The following ENOX1 variants were observed in gnomAD, a reference collection of about 807,000 sequenced individuals.
ENOX1 encodes the protein ecto-NOX disulfide-thiol exchanger 1.
A neutral mutation model predicts 82.5 loss-of-function variants in ENOX1; 42 were observed. That is an observed-to-expected ratio of 0.51 (90% CI 0.40 to 0.66). The LOEUF (loss-of-function observed/expected upper bound fraction) is 0.66, where lower values mean the gene tolerates loss of function less well. Ranked by LOEUF, ENOX1 falls within the 30% of genes least tolerant of loss-of-function variation. ENOX1 has a pLI of 0.00. For missense variants in ENOX1, 608 were observed against 811.6 expected (o/e 0.75, Z 3.05); for synonymous variants, 271 against 282.2 (o/e 0.96, Z 0.40).
intron 1 of ENOX1, among the ~76,000 whole-genome samples, chr13:43,699,955 C>T (rs1341047793): frequency 1.3e-5 from 2 of 152,158 alleles, no homozygotes; most frequent in African/African-American, 2.4e-5. Context: ...TTTATGTTGG[C>T]AACATTCCAA....
intron 1 of ENOX1, among the ~76,000 whole-genome samples, chr13:43,711,080 C>A (rs1186177698): frequency 8.4e-6 from 1 of 118,992 alleles, no homozygotes; most frequent in African/African-American, 3.2e-5. Context: ...TCCCCCCACC[C>A]CACAACAGTC....
chr13:43,459,846 T>C (rs1032329213), intron 3 of ENOX1, among the ~76,000 whole-genome samples: 8 of 151,976 alleles, frequency 5.3e-5, no homozygotes, highest in African/African-American at 1.9e-4. Context: ...ACAAAAAAAT[T>C]AGCTGGGTGT....
chr13:43,427,413 A>T (rs1001987678), intron 3 of ENOX1, among the ~76,000 whole-genome samples: 1 of 152,216 alleles, frequency 6.6e-6, no homozygotes, highest in African/African-American at 2.4e-5. Flanking sequence ...CAAGGTCAGA[A>T]AGCCAATGAA....
chr13:43,639,757 C>T lies in ENOX1; in HGVS notation c.-219+27722G>A, dbSNP rs193055182. Among the ~76,000 whole-genome samples, 76 of 152,292 alleles carry T rather than the reference C, an allele frequency of 5.0e-4. No individual in the cohort carries two copies. In the East Asian group the frequency reaches 0.014, roughly 29 times the overall value. On this transcript the variant is annotated intron_variant, in intron 2 of 16. Transcript: ENST00000690772. Reference sequence around the variant, plus strand: ...AATAAATAAAAATCTTGGCCGGGCACAGTGGCTCATGCCTGTAATCCAGCA... The same window carrying T: ...AATAAATAAAAATCTTGGCCGGGCATAGTGGCTCATGCCTGTAATCCAGCA...
chr13:43,583,552 C>A (rs949202032), intron 2 of ENOX1, among the ~76,000 whole-genome samples: 3 of 152,158 alleles, frequency 2.0e-5, no homozygotes, highest in African/African-American at 7.2e-5. Flanking sequence ...GTTTGGAATG[C>A]CATCTGTCTA....
intron 2 of ENOX1, among the ~76,000 whole-genome samples, chr13:43,580,137 C>T (rs2080644018): frequency 6.6e-6 from 1 of 152,224 alleles, no homozygotes; most frequent in Admixed American, 6.5e-5. Flanking sequence ...ATCATCAGAA[C>T]ATTATCTGGG....
At chr13:43,230,156 A>G (rs1231271373) in intron 15 of ENOX1, among the ~76,000 whole-genome samples, 1 of 152,216 alleles carries the variant, frequency 6.6e-6, no homozygotes, top group Admixed American at 6.5e-5. Context: ...GTGTGGCATC[A>G]TGATGGCGGA....
intron 2 of ENOX1, among the ~76,000 whole-genome samples, chr13:43,606,427 A>G (rs1169403716): frequency 6.6e-6 from 1 of 152,030 alleles, no homozygotes; most frequent in Non-Finnish European, 1.5e-5. Context: ...ATGGATAAAG[A>G]AAATGGGGTA....
chr13:43,387,107 C>T (rs1479221121), intron 5 of ENOX1, among the ~76,000 whole-genome samples: 6 of 152,112 alleles, frequency 3.9e-5, no homozygotes, highest in South Asian at 2.1e-4. Context: ...GAACTGGAGA[C>T]GCAACTTTGA....
At chr13:43,216,852 A>G (rs1477995680) in intron 16 of ENOX1, among the ~76,000 whole-genome samples, 1 of 152,218 alleles carries the variant, frequency 6.6e-6, no homozygotes, top group Non-Finnish European at 1.5e-5. Context: ...GTAGGAGGCC[A>G]GCTGGGGTCA....
At chr13:43,574,795 T>G (rs9525804) in intron 2 of ENOX1, among the ~76,000 whole-genome samples, 19,422 of 152,222 alleles carry the variant, frequency 0.13, 1,789 homozygotes, top group East Asian at 0.48. Flanking sequence ...ACACTTTCCC[T>G]CTAGACTCTC....
intron 11 of ENOX1, among the ~76,000 whole-genome samples, chr13:43,300,694 T>C (rs1242661351): frequency 6.6e-6 from 1 of 152,118 alleles, no homozygotes; most frequent in Non-Finnish European, 1.5e-5. Flanking sequence ...GAGTGGCCAA[T>C]TGAGAACCAC....
At chr13:43,445,066 G>T (rs1348032673) in intron 3 of ENOX1, among the ~76,000 whole-genome samples, 1 of 151,708 alleles carries the variant, frequency 6.6e-6, no homozygotes, top group Non-Finnish European at 1.5e-5. Context: ...TTCTGCTCCA[G>T]TGCTTTCTGA....
rs1316629386 is a variant in ENOX1, at chr13:43,528,844, A to G, written c.-218-44692T>C. On this transcript the variant is annotated intron_variant, in intron 2 of 16. Transcript: ENST00000690772. The stretch of plus-strand genomic sequence containing the variant: ...AGGTAGATTTTTTAATATATAGGTT[A>G]TTTGTCTTTCATCATGCTGGGAAAG... Among the ~76,000 whole-genome samples the G allele has an allele frequency of 2.0e-5, 3 of 151,976 alleles. No individual in the cohort carries two copies. The East Asian group carries it at 5.8e-4, about 29-fold the overall frequency.
chr13:43,521,698 C>T (rs2077776306), intron 2 of ENOX1, among the ~76,000 whole-genome samples: 1 of 152,074 alleles, frequency 6.6e-6, no homozygotes, highest in Admixed American at 6.6e-5. Context: ...GTGCAAAGAC[C>T]TACTGAAAAT....
rs1297063379 is a variant in ENOX1, at chr13:43,786,058, A to T, written c.-285+594T>A. ...GCTCCCGCCGACGAAGACCTGTCCAAGGTGTCCGAGCTCCCCGCGAGAGGG... is the reference window on the plus strand; with the variant it reads ...GCTCCCGCCGACGAAGACCTGTCCATGGTGTCCGAGCTCCCCGCGAGAGGG... On this transcript the variant is annotated intron_variant, in intron 1 of 16. Transcript: ENST00000690772. This position sits in a 1 kb window ranked among gnomAD's most constrained non-coding sequence, Gnocchi z 6.0. Among the ~76,000 whole-genome samples, 1 of 152,120 alleles carries T rather than the reference A, an allele frequency of 6.6e-6. No individual in the cohort carries two copies. Among genetic ancestry groups the T allele is most frequent in the Non-Finnish European group, 1.5e-5 (1 of 68,008 alleles).
Position 43,322,434 on chromosome 13 carries a change from T to G in ENOX1, c.1211A>C (p.Asp404Ala), listed in dbSNP as rs1240702487. The change falls in exon 11 of 17, where the codon GAT (aspartate) becomes GCT (alanine). Residue 404 changes from aspartate to alanine, a missense_variant. By Grantham distance (126) the Asp-to-Ala change is moderately radical. Coordinates refer to ENST00000690772, the MANE Select transcript of ENOX1 (RefSeq NM_001347969.2). Reference sequence around the variant, plus strand: ...TGTAGGGCTGTCACAGTTCTCATCATCAGACATTTCCATTTCTTCTTCGCG... The same window carrying G: ...TGTAGGGCTGTCACAGTTCTCATCAGCAGACATTTCCATTTCTTCTTCGCG... ...IRREEEMEMS[D>A]DENCDSPTKK... The G allele has an allele frequency of 1.2e-5, 20 of 1,614,068 alleles. No homozygotes were observed. The highest frequency in any genetic ancestry group is 1.7e-5 in the Non-Finnish European group (20 of 1,179,992).
At chr13:43,445,490 A>G (rs1308898925) in intron 3 of ENOX1, among the ~76,000 whole-genome samples, 1 of 152,044 alleles carries the variant, frequency 6.6e-6, no homozygotes, top group East Asian at 1.9e-4. Flanking sequence ...TGTCCCATCT[A>G]GTGTTAAAAC....
intron 16 of ENOX1, among the ~76,000 whole-genome samples, chr13:43,216,112 C>T (rs1021565035): frequency 5.3e-5 from 8 of 152,112 alleles, no homozygotes; most frequent in South Asian, 2.1e-4. Flanking sequence ...GCAGAAGAAT[C>T]GCTTGAACCT....
Sources: gnomAD v4.1 joint callset for allele counts (sites outside exome capture counted in the v4.1 genomes callset) on GRCh38, gnomAD v4.1.1 for gene constraint, Gnocchi (gnomAD v3.1) non-coding constraint, MANE v1.5 for transcripts, NCBI Gene and HGNC (gene_info 2026-07-23, HGNC 2026-07-21) for gene names.